FAM53B: variants seen among roughly 807,000 people sequenced by gnomAD.
The protein encoded by FAM53B is family with sequence similarity 53 member B, also known as protein FAM53B.
In FAM53B, 12 loss-of-function variants were observed where a neutral mutation model predicts 32.7. The observed-to-expected ratio is 0.37, with a 90% CI of 0.24 to 0.59. The LOEUF (loss-of-function observed/expected upper bound fraction) is 0.59. Among genes scored for constraint, FAM53B ranks in the 20% least tolerant of loss-of-function variants. The probability of loss-of-function intolerance (pLI) is 0.72; values close to 1 mark genes in which losing one functional copy is unlikely to be tolerated. For synonymous variants in FAM53B, 234 were observed against 228.7 expected, an observed-to-expected ratio of 1.02 and a Z score of -0.21; for missense variants, 477 against 577.7, an observed-to-expected ratio of 0.83 and a Z score of 1.79.
intron 2 of FAM53B, among the ~76,000 whole-genome samples, chr10:124,697,538 G>A (rs934805294): frequency 2.6e-5 from 4 of 152,240 alleles, no homozygotes; most frequent in Admixed American, 6.5e-5. Context: ...TTCATCCCAC[G>A]GGGTTACTAA....
intron 2 of FAM53B, 29 bp from the exon 3 acceptor site, chr10:124,696,241 C>G: frequency 6.2e-7 from 1 of 1,602,126 alleles, no homozygotes; most frequent in Non-Finnish European, 8.6e-7. Context: ...GCTATTCACT[C>G]TTCAAATCAT....
intron 4 of FAM53B, among the ~76,000 whole-genome samples, chr10:124,632,409 A>T (rs188717764): frequency 6.6e-6 from 1 of 152,374 alleles, no homozygotes. Flanking sequence ...TTTCCAAAGC[A>T]CACAGGGTTC....
At chr10:124,680,332 G>A (rs1356063445) in intron 4 of FAM53B, among the ~76,000 whole-genome samples, 2 of 152,206 alleles carry the variant, frequency 1.3e-5, no homozygotes, top group Non-Finnish European at 2.9e-5. Flanking sequence ...GCCCCAGCCA[G>A]TGCCCAGGCT....
At chr10:124,691,209 C>G (rs745576731) in intron 3 of FAM53B, among the ~76,000 whole-genome samples, 13 of 152,210 alleles carry the variant, frequency 8.5e-5, no homozygotes, top group Non-Finnish European at 1.8e-4. Flanking sequence ...GAAATTAATA[C>G]AGAGAGTGCC....
intron 4 of FAM53B, among the ~76,000 whole-genome samples, chr10:124,674,091 G>A (rs1949722981): frequency 6.6e-6 from 1 of 152,158 alleles, no homozygotes. Context: ...TGGCAATAAG[G>A]CAAAACCCTG....
intron 1 of FAM53B, among the ~76,000 whole-genome samples, chr10:124,720,813 A>G (rs2134095791): frequency 6.6e-6 from 1 of 152,360 alleles, no homozygotes; most frequent in South Asian, 2.1e-4. Flanking sequence ...GATGAGTGAA[A>G]TAAAAACTAA....
intron 4 of FAM53B, among the ~76,000 whole-genome samples, chr10:124,670,371 G>C (rs1949700780): frequency 6.6e-6 from 1 of 152,158 alleles, no homozygotes; most frequent in Non-Finnish European, 1.5e-5. Flanking sequence ...TAAGGCAGGT[G>C]ACTGAGTATC....
chr10:124,675,620 A>C (rs1401615868), intron 4 of FAM53B, among the ~76,000 whole-genome samples: 2 of 152,234 alleles, frequency 1.3e-5, no homozygotes, highest in African/African-American at 4.8e-5. Flanking sequence ...CACACAGCTC[A>C]AAAGTGGCAG....
intron 3 of FAM53B, among the ~76,000 whole-genome samples, chr10:124,686,220 T>C (rs538558847): frequency 2.6e-4 from 40 of 152,352 alleles, no homozygotes; most frequent in Middle Eastern, 3.4e-3. Flanking sequence ...ATAAGATCTA[T>C]ATGCAGAAAG....
intron 4 of FAM53B, among the ~76,000 whole-genome samples, chr10:124,657,121 TATATATGTGTGTATATAC>T (rs1422717455): frequency 8.2e-5 from 12 of 146,380 alleles, no homozygotes; most frequent in African/African-American, 3.0e-4. Context: ...TGTGTGTGTA[TATATATGTGTGTATATAC>T]ATATATATGT....
chr10:124,740,813 T>G (rs1332841466), intron 1 of FAM53B, among the ~76,000 whole-genome samples: 2 of 152,122 alleles, frequency 1.3e-5, no homozygotes, highest in Non-Finnish European at 2.9e-5. Context: ...GGCCAGACCC[T>G]GTTTTGTGGC....
intron 1 of FAM53B, among the ~76,000 whole-genome samples, chr10:124,720,300 T>G (rs34032724): frequency 0.33 from 31,681 of 96,600 alleles, 3,743 homozygotes; most frequent in Non-Finnish European, 0.44. Flanking sequence ...TGAGACCTCG[T>G]CTTGACAAAA....
At position 124,623,220 on chromosome 10, in the gene FAM53B, C is replaced by T; in HGVS notation, c.*22G>A. The T allele has an allele frequency of 6.4e-7, 1 of 1,564,936 alleles. No individual in the cohort carries two copies. Among genetic ancestry groups the T allele is most frequent in the African/African-American group, 1.4e-5 (1 of 73,988 alleles). On this transcript the variant is annotated 3_prime_UTR_variant, in exon 5 of 5. Transcript: ENST00000337318. ...GGCTGTCGATGCCAGCACACCCCAG[C>T]CCTGCCTGGGCCCACACCCCCTCAG...
rs538378746 is a variant in FAM53B at position 124,667,754 on chromosome 10, G to A, written c.906+13853C>T. ...AATGCCTCCAGAAATGCCTCAAATGGAAGATTTCATAAGAAGCAGAGACCC... is the reference window on the plus strand; with the variant it reads ...AATGCCTCCAGAAATGCCTCAAATGAAAGATTTCATAAGAAGCAGAGACCC... On this transcript the variant is annotated intron_variant, in intron 4 of 4. Transcript: ENST00000337318. Among the ~76,000 whole-genome samples the A allele has an allele frequency of 2.5e-3, 381 of 152,332 alleles. 1 individual carries two copies. The highest frequency in any genetic ancestry group is 9.0e-3 in the African/African-American group (372 of 41,560).
chr10:124,724,288 C>T (rs1424941290), intron 1 of FAM53B, among the ~76,000 whole-genome samples: 33 of 152,098 alleles, frequency 2.2e-4, no homozygotes, highest in Non-Finnish European at 1.5e-5. Flanking sequence ...GCTAGGGGGA[C>T]GGGGCTGGGA....
At chr10:124,627,158 C>T (rs1252953787) in intron 4 of FAM53B, among the ~76,000 whole-genome samples, 1 of 152,208 alleles carries the variant, frequency 6.6e-6, no homozygotes, top group Non-Finnish European at 1.5e-5. Context: ...GCGAGCCCCA[C>T]CTGTCAGGAA....
At chr10:124,646,973 T>C (rs1949519678) in intron 4 of FAM53B, among the ~76,000 whole-genome samples, 1 of 152,104 alleles carries the variant, frequency 6.6e-6, no homozygotes, top group Admixed American at 6.5e-5. Context: ...CATTCCTGGG[T>C]AGCAAGCCCT....
intron 4 of FAM53B, among the ~76,000 whole-genome samples, chr10:124,630,975 G>A (rs1201433953): frequency 6.6e-6 from 1 of 152,188 alleles, no homozygotes; most frequent in Non-Finnish European, 1.5e-5. Context: ...AAGGTATCTT[G>A]CCCCAAATCT....
At chr10:124,638,446 CTT>C (rs1483892158) in intron 4 of FAM53B, among the ~76,000 whole-genome samples, 1 of 152,184 alleles carries the variant, frequency 6.6e-6, no homozygotes, top group Non-Finnish European at 1.5e-5. Context: ...CTGAGTTTCT[CTT>C]TTCCCATCTG....
Sources: gnomAD v4.1 joint callset for allele counts (sites outside exome capture counted in the v4.1 genomes callset) on GRCh38, gnomAD v4.1.1 for gene constraint, MANE v1.5 for transcripts, NCBI Gene and HGNC (gene_info 2026-07-23, HGNC 2026-07-21) for gene names.